Variants in ZNF236 observed in about 807,000 individuals in gnomAD.
ZNF236 encodes regulated by glucose.
Under a neutral mutation model 191.2 loss-of-function variants are expected in ZNF236, and 50 were observed. The observed-to-expected ratio is 0.26, with a 90% CI of 0.21 to 0.33. The LOEUF is 0.33. Ranked by LOEUF, ZNF236 falls within the 10% of genes least tolerant of loss-of-function variation. The pLI is 1.00. For missense variants in ZNF236, 1,754 were observed against 2,374.5 expected, an observed-to-expected ratio of 0.74 and a Z score of 5.43; for synonymous variants, 907 against 928.8, an observed-to-expected ratio of 0.98 and a Z score of 0.43.
chr18:76,896,864 A>T (rs776039824), intron 10 of ZNF236, among the ~76,000 whole-genome samples: 1 of 151,778 alleles, frequency 6.6e-6, no homozygotes, highest in Non-Finnish European at 1.5e-5. Flanking sequence ...GCACACAGCT[A>T]CTGCACATAC....
chr18:76,875,354 G>A lies in ZNF236; in HGVS notation c.668-138G>A. 1 of 706,000 alleles carries A rather than the reference G, an allele frequency of 1.4e-6. No homozygotes were observed. The highest frequency in any genetic ancestry group is 1.8e-5 in the African/African-American group (1 of 54,452). 43.7% of individuals were successfully genotyped at this position (706,000 alleles called of 1,614,324 possible). ...ATTTTGAGATTTAAAGTAGACACTT[G>A]TATATATGCATCTAGAGTTCTGGGG... On this transcript the variant is annotated intron_variant, in intron 5 of 30. Transcript: ENST00000320610. This position sits in a 1 kb window ranked among gnomAD's most constrained non-coding sequence, Gnocchi z 4.3.
intron 18 of ZNF236, 63 bp from the exon 19 acceptor site, chr18:76,915,584 T>C: frequency 6.6e-7 from 1 of 1,504,582 alleles, no homozygotes; most frequent in Non-Finnish European, 9.2e-7. Context: ...TTTGACTGCT[T>C]CTGGTTTTAA....
At position 76,925,051 on chromosome 18, in the gene ZNF236, T is replaced by C. The variant is rs1967636750; in HGVS notation, c.3662-138T>C. 7.7e-7 allele frequency: 1 copy of C among 1,295,294 alleles called. No individual in the cohort carries two copies. Among genetic ancestry groups the C allele is most frequent in the Non-Finnish European group, 1.1e-6 (1 of 945,678 alleles). The allele number at this position is 1,295,294 out of a possible 1,614,324, so 80.2% of individuals were successfully genotyped here. ...TGCCTGTGACGTCCGTAACATCTTA[T>C]AGGTGAAAGGGATTCTCATTAAAGT... On this transcript the variant is annotated intron_variant, in intron 21 of 30. Coordinates refer to ENST00000320610, the MANE Select transcript of ZNF236 (RefSeq NM_001306089.2). The surrounding 1 kb of genome is among the most constrained non-coding windows in gnomAD (Gnocchi z 5.7).
intron 9 of ZNF236, among the ~76,000 whole-genome samples, chr18:76,893,523 T>C (rs1390425843): frequency 2.6e-5 from 4 of 152,220 alleles, no homozygotes; most frequent in Admixed American, 2.6e-4. Context: ...TTTTTTTCTT[T>C]TTGAGACAGG....
chr18:76,908,089 G>A (rs1481564029), intron 13 of ZNF236, among the ~76,000 whole-genome samples: 6 of 152,028 alleles, frequency 3.9e-5, no homozygotes, highest in East Asian at 1.9e-4. Flanking sequence ...TTCATCCTCC[G>A]TTCGTGCCTT....
intron 30 of ZNF236, among the ~76,000 whole-genome samples, chr18:76,963,507 G>T (rs1260435275): frequency 6.6e-6 from 1 of 152,138 alleles, no homozygotes; most frequent in Non-Finnish European, 1.5e-5. Flanking sequence ...TAGCATCTAT[G>T]TTCATCAGGG....
At chr18:76,944,025 C>T (rs1200499617) in intron 26 of ZNF236, among the ~76,000 whole-genome samples, 1 of 152,186 alleles carries the variant, frequency 6.6e-6, no homozygotes, top group Non-Finnish European at 1.5e-5. Context: ...CATAGAATGC[C>T]TTTCATCAGT....
chr18:76,892,049 T>C (rs181183580), intron 9 of ZNF236, among the ~76,000 whole-genome samples: 43 of 151,928 alleles, frequency 2.8e-4, no homozygotes, highest in African/African-American at 1.0e-3. Flanking sequence ...ATACAGATGA[T>C]AAATTAAACC....
chr18:76,860,689 C>G (rs1232434305), intron 3 of ZNF236, among the ~76,000 whole-genome samples: 1 of 152,170 alleles, frequency 6.6e-6, no homozygotes, highest in Non-Finnish European at 1.5e-5. Context: ...TGTAAAACTC[C>G]AGCTCCCTTC....
Position 76,962,803 on chromosome 18 carries a change from T to G in ZNF236, c.5419+1948T>G, listed in dbSNP as rs113222057. 3.7e-3 allele frequency among the ~76,000 whole-genome samples: 559 copies of G among 152,244 alleles called. 8 individuals are homozygous for G. The highest frequency in any genetic ancestry group is 0.012 in the African/African-American group (498 of 41,556). On this transcript the variant is annotated intron_variant, in intron 30 of 30. Transcript: ENST00000320610. ...TGGTTAGGTGTATTCCTAAGTTTTT[T>G]TTTGTTTGTTTGTTTTTGTTTTGTT...
chr18:76,945,143 AAAC>A (rs1968227086), intron 26 of ZNF236, among the ~76,000 whole-genome samples: 2 of 152,216 alleles, frequency 1.3e-5, no homozygotes, highest in South Asian at 2.1e-4. Context: ...TGCTATTTCA[AAAC>A]AACAAGAAGT....
intron 22 of ZNF236, among the ~76,000 whole-genome samples, chr18:76,926,593 CAG>C (rs1354398067): frequency 7.7e-5 from 11 of 143,124 alleles, no homozygotes; most frequent in African/African-American, 2.4e-4. Flanking sequence ...TATGATTAGA[CAG>C]TGTGTGTATA....
intron 1 of ZNF236, among the ~76,000 whole-genome samples, chr18:76,843,179 CA>C (rs1469877584): frequency 6.6e-6 from 1 of 151,850 alleles, no homozygotes; most frequent in African/African-American, 2.4e-5. Context: ...CTAACGTAGG[CA>C]GTTTTGAGGT....
chr18:76,881,333 C>T lies in ZNF236; in HGVS notation c.1238C>T (p.Pro413Leu). The T allele has an allele frequency of 6.2e-7, 1 of 1,614,160 alleles. No individual in the cohort carries two copies. Residue 413 changes from proline to leucine, a missense_variant, in exon 9 of 31, where the codon CCT becomes CTT. By Grantham distance (98) the Pro-to-Leu change is moderately conservative. This residue lies in a region of ZNF236 where 126 missense variants were observed against 110.9 expected (regional missense o/e 1.14). Coordinates refer to ENST00000320610, the MANE Select transcript of ZNF236 (RefSeq NM_001306089.2). ...TCTTCAATTCCAGCTGCAGCACATCCTAATGACTCCTGCCATGCCAAGACC... is the reference window on the plus strand; with the variant it reads ...TCTTCAATTCCAGCTGCAGCACATCTTAATGACTCCTGCCATGCCAAGACC... ...GLSSIPAAAH[P>L]NDSCHAKTSA...
chr18:76,886,092 A>G (rs1977045541), intron 9 of ZNF236: 1 of 152,126 alleles, frequency 6.6e-6, no homozygotes, highest in African/African-American at 2.4e-5. Context: ...TTCCTTTTTG[A>G]TGGGTGTTTA....
chr18:76,964,595 T>G (rs1253635219), intron 30 of ZNF236, among the ~76,000 whole-genome samples: 2 of 152,222 alleles, frequency 1.3e-5, no homozygotes, highest in Non-Finnish European at 2.9e-5. Flanking sequence ...CAAGGTATAG[T>G]TTAAATCCAT....
chr18:76,878,796 G>A (rs1180724375), intron 7 of ZNF236, among the ~76,000 whole-genome samples: 1 of 152,218 alleles, frequency 6.6e-6, no homozygotes, highest in Non-Finnish European at 1.5e-5. Context: ...ATACGAAAGT[G>A]TCGGAAGTTT....
intron 27 of ZNF236, among the ~76,000 whole-genome samples, chr18:76,949,239 A>G (rs182503664): frequency 2.6e-5 from 4 of 152,328 alleles, no homozygotes; most frequent in South Asian, 2.1e-4. Context: ...AAATGAAACT[A>G]CTTTGCTATT....
intron 27 of ZNF236, among the ~76,000 whole-genome samples, chr18:76,954,642 A>T (rs1968480793): frequency 6.6e-6 from 1 of 152,192 alleles, no homozygotes; most frequent in South Asian, 2.1e-4. Context: ...ACACCTATAG[A>T]TACTCACCTG....
Sources: allele counts gnomAD v4.1 joint callset (sites outside exome capture counted in the v4.1 genomes callset), GRCh38; gene constraint gnomAD v4.1.1; regional missense constraint gnomAD v4.1.1; non-coding constraint Gnocchi (gnomAD v3.1); transcripts MANE v1.5; gene names NCBI Gene and HGNC (gene_info 2026-07-23, HGNC 2026-07-21).